RARB: variants seen among roughly 807,000 people sequenced by gnomAD.
RARB encodes the protein retinoic acid receptor beta.
A neutral mutation model predicts 51.9 loss-of-function variants in RARB; 17 were observed. That is an observed-to-expected ratio of 0.33 (90% CI 0.22 to 0.49). RARB has a LOEUF of 0.49. RARB is among the 20% of genes least tolerant of loss of function. The pLI, the probability that RARB is intolerant of heterozygous loss-of-function variation, is 0.99. For synonymous variants in RARB, 215 were observed against 195.4 expected (o/e 1.10, Z -0.84); for missense variants, 369 against 550.8 (o/e 0.67, Z 3.30).
At chr3:24,898,506 C>T (rs1026264353) in intron 2 of RARB, among the ~76,000 whole-genome samples, 1 of 151,862 alleles carries the variant, frequency 6.6e-6, no homozygotes, top group Non-Finnish European at 1.5e-5. Context: ...AGTGTAATTA[C>T]ACAGTATAAT....
In RARB at chr3:25,275,618, C is replaced by T. The variant is rs149797049; in HGVS notation, c.178+101043C>T. Among the ~76,000 whole-genome samples, 111 of 152,276 alleles carry T rather than the reference C, an allele frequency of 7.3e-4. 2 individuals are homozygous for T. The highest frequency in any genetic ancestry group is 3.5e-3 in the South Asian group (17 of 4,820). On this transcript the variant is annotated intron_variant, in intron 5 of 11. Transcript: ENST00000383772. The stretch of plus-strand genomic sequence containing the variant: ...ATTCAAGAACTATCTGTCCTATAGC[C>T]GAGAAGCCCTGTAAGGGAAGTAACT...
intron 4 of RARB, among the ~76,000 whole-genome samples, chr3:25,147,534 G>A (rs1342872501): frequency 6.6e-6 from 1 of 152,142 alleles, no homozygotes; most frequent in Non-Finnish European, 1.5e-5. Context: ...TTCAAAATAA[G>A]AATTCCAGTT....
intron 5 of RARB, among the ~76,000 whole-genome samples, chr3:25,403,934 T>C (rs900075467): frequency 1.3e-5 from 2 of 148,486 alleles, no homozygotes; most frequent in Non-Finnish European, 3.0e-5. Context: ...TCCAGAAGCT[T>C]ATAGTTATAG....
chr3:25,094,223 A>C lies in RARB; in HGVS notation c.-328+34047A>C, dbSNP rs1575157589. Among the ~76,000 whole-genome samples the C allele has an allele frequency of 2.0e-5, 3 of 152,260 alleles. No individual in the cohort carries two copies. In the East Asian group the frequency reaches 5.8e-4, roughly 30 times the overall value. ...TTCAATGCTGTTTTCCAGCTTATCC[A>C]CTGTTAATAACACTAAAGTCTGTCT... On this transcript the variant is annotated intron_variant, in intron 3 of 11. Coordinates refer to the RARB transcript ENST00000383772.
At chr3:24,873,070 A>AT (rs1191552299) in intron 2 of RARB, among the ~76,000 whole-genome samples, 5 of 152,212 alleles carry the variant, frequency 3.3e-5, no homozygotes, top group Admixed American at 6.5e-5. Context: ...CAGACAATAC[A>AT]TTTTTTAAAA....
chr3:25,045,296 TC>T (rs1233970059), intron 2 of RARB, among the ~76,000 whole-genome samples: 6 of 152,192 alleles, frequency 3.9e-5, no homozygotes, highest in Admixed American at 3.9e-4. Context: ...GGTTTCCCTC[TC>T]CCTTTCTTCT....
At chr3:25,505,880 C>T (rs964271471) in intron 3 of RARB, among the ~76,000 whole-genome samples, 1 of 152,032 alleles carries the variant, frequency 6.6e-6, no homozygotes, top group African/African-American at 2.4e-5. Flanking sequence ...TAAATGAAGG[C>T]ATAACATTTG....
rs184526922 is a variant in RARB, at chr3:25,146,319, G to C, written c.-280+14111G>C. On this transcript the variant is annotated intron_variant, in intron 4 of 11. Coordinates refer to the RARB transcript ENST00000383772. ...ATGGGCCAGATAGTAAATATTTGGG[G>C]CTATGGGGGGACCACATATCATCTT... 6.6e-5 allele frequency among the ~76,000 whole-genome samples: 10 copies of C among 152,186 alleles called. No individual in the cohort carries two copies. The East Asian group carries it at 1.9e-3, about 29-fold the overall frequency.
intron 5 of RARB, among the ~76,000 whole-genome samples, chr3:25,266,991 C>T (rs13068143): frequency 0.1 from 15,657 of 152,252 alleles, 997 homozygotes; most frequent in South Asian, 0.25. Flanking sequence ...CTTGGAAATA[C>T]TGAGCAACCA....
chr3:25,211,998 T>G (rs1701710609), intron 5 of RARB, among the ~76,000 whole-genome samples: 1 of 152,324 alleles, frequency 6.6e-6, no homozygotes, highest in African/African-American at 2.4e-5. Context: ...GGAAAAGAGA[T>G]ATATTTTACT....
intron 2 of RARB, among the ~76,000 whole-genome samples, chr3:24,934,009 G>A (rs1695496541): frequency 6.6e-6 from 1 of 152,106 alleles, no homozygotes; most frequent in Admixed American, 6.6e-5. Context: ...ATCGAACAAT[G>A]TTTTGTTTTG....
chr3:25,455,693 G>A (rs1025977405), intron 1 of RARB, among the ~76,000 whole-genome samples: 7 of 152,146 alleles, frequency 4.6e-5, no homozygotes, highest in Non-Finnish European at 7.3e-5. Flanking sequence ...TGCTCTGGGC[G>A]GGGACCCACA....
chr3:25,434,751 A>G (rs1708361355), intron 1 of RARB, among the ~76,000 whole-genome samples: 1 of 151,950 alleles, frequency 6.6e-6, no homozygotes, highest in Non-Finnish European at 1.5e-5. Context: ...TATGTTGGCC[A>G]GGATGGTCTC....
At chr3:24,961,696 A>T (rs1020978057) in intron 2 of RARB, among the ~76,000 whole-genome samples, 2 of 152,194 alleles carry the variant, frequency 1.3e-5, no homozygotes, top group African/African-American at 4.8e-5. Flanking sequence ...AACTCAGAAC[A>T]GGGAATTAAT....
intron 2 of RARB, among the ~76,000 whole-genome samples, chr3:25,024,181 A>T (rs1480760530): frequency 1.3e-5 from 2 of 152,242 alleles, no homozygotes; most frequent in East Asian, 1.9e-4. Context: ...ATAGAAACTC[A>T]TAAGACTTTT....
chr3:25,144,949 C>G (rs370670960), intron 4 of RARB, among the ~76,000 whole-genome samples: 34 of 152,210 alleles, frequency 2.2e-4, no homozygotes, highest in African/African-American at 6.7e-4. Context: ...GCCTAACTTT[C>G]ATAATTTACA....
intron 5 of RARB, among the ~76,000 whole-genome samples, chr3:25,245,514 T>C (rs558680334): frequency 8.5e-5 from 13 of 152,288 alleles, no homozygotes; most frequent in Admixed American, 8.5e-4. Flanking sequence ...GACAAAATCC[T>C]TCAGCATTTG....
intron 2 of RARB, among the ~76,000 whole-genome samples, chr3:25,500,500 G>A (rs1297795): frequency 0.22 from 25,138 of 115,826 alleles, 2,596 homozygotes; most frequent in East Asian, 0.37. Flanking sequence ...TTGTTGTTGA[G>A]ACAGAGTCTC....
chr3:25,528,625 G>T (rs528388473), intron 3 of RARB, among the ~76,000 whole-genome samples: 1 of 152,154 alleles, frequency 6.6e-6, no homozygotes, highest in African/African-American at 2.4e-5. Context: ...GGATCTCAAA[G>T]CAGTCTCCTT....
Sources: allele counts gnomAD v4.1 joint callset (sites outside exome capture counted in the v4.1 genomes callset), GRCh38; gene constraint gnomAD v4.1.1; transcripts MANE v1.5; gene names NCBI Gene and HGNC (gene_info 2026-07-23, HGNC 2026-07-21).